Variants in CRYGS observed in about 807,000 individuals in gnomAD.
The protein encoded by CRYGS is crystallin gamma S.
Under a neutral mutation model 21.3 loss-of-function variants are expected in CRYGS, and 13 were observed. That is an observed-to-expected ratio of 0.61 (90% CI 0.40 to 0.97). The LOEUF (loss-of-function observed/expected upper bound fraction) is 0.97. Ranked by LOEUF, CRYGS falls within the 50% of genes least tolerant of loss-of-function variation. The pLI, the probability that CRYGS is intolerant of heterozygous loss-of-function variation, is 0.00. For synonymous variants in CRYGS, 67 were observed against 75.0 expected, an observed-to-expected ratio of 0.89 and a Z score of 0.55; for missense variants, 205 against 229.7, an observed-to-expected ratio of 0.89 and a Z score of 0.69.
At chr3:186,542,818 C>T (rs1714100234) in intron 1 of CRYGS, among the ~76,000 whole-genome samples, 1 of 152,162 alleles carries the variant, frequency 6.6e-6, no homozygotes, top group Admixed American at 6.5e-5. Flanking sequence ...AGCTTTACCT[C>T]AAGATACATG....
chr3:186,541,420 T>C (rs905870967), intron 1 of CRYGS, among the ~76,000 whole-genome samples: 2 of 152,114 alleles, frequency 1.3e-5, no homozygotes, highest in South Asian at 2.1e-4. Context: ...TCCCTTCCCA[T>C]CTTAGCACAG....
chr3:186,544,005 A>C (rs1714126871), intron 1 of CRYGS, among the ~76,000 whole-genome samples: 1 of 152,182 alleles, frequency 6.6e-6, no homozygotes, highest in Non-Finnish European at 1.5e-5. Flanking sequence ...CCTTATTCCT[A>C]TGGAGAATAT....
At position 186,539,484 on chromosome 3, in the gene CRYGS, G is replaced by A; in HGVS notation, c.135C>T (p.Gly45=). ...TGGGCCTTTCATAAACAGCCCAGGT[G>A]CCTCCTTCCACTTTAATGGAGTTGC... ...SRCNSIKVEG[G]TWAVYERPNF... The change falls in exon 2 of 3, where the codon GGC becomes GGT. Residue 45 remains glycine, a synonymous_variant. Transcript: ENST00000307944. 6.2e-7 allele frequency: 1 copy of A among 1,613,688 alleles called. No individual in the cohort carries two copies. Among genetic ancestry groups the A allele is most frequent in the Non-Finnish European group, 8.5e-7 (1 of 1,180,022 alleles).
rs781780372 is a variant in CRYGS, at chr3:186,538,613, A to G, written c.*83T>C. The G allele has an allele frequency of 7.0e-6, 11 of 1,572,516 alleles. No homozygotes were observed. The highest frequency in any genetic ancestry group is 1.3e-5 in the African/African-American group (1 of 74,200). On this transcript the variant is annotated 3_prime_UTR_variant, in exon 3 of 3. Transcript: ENST00000307944. ...ATAGTCAGCAGTGGGATGCATGCCAACTGTTTTATTGATGATGCCTATTTG... is the reference window on the plus strand; with the variant it reads ...ATAGTCAGCAGTGGGATGCATGCCAGCTGTTTTATTGATGATGCCTATTTG...
chr3:186,541,667 C>T (rs73055395), intron 1 of CRYGS, among the ~76,000 whole-genome samples: 1 of 152,138 alleles, frequency 6.6e-6, no homozygotes, highest in Non-Finnish European at 1.5e-5. Context: ...TAAGCTTTTG[C>T]TACAGTTTTT....
Position 186,541,889 on chromosome 3 carries a change from A to G in CRYGS, c.22-2292T>C, listed in dbSNP as rs551665739. The stretch of plus-strand genomic sequence containing the variant: ...ATGACCAAGGCTGGGCCTAAGCCTC[A>G]GGGGCTCTTCCTCATGACCTGTGGA... On this transcript the variant is annotated intron_variant, in intron 1 of 2. Transcript: ENST00000307944. Among the ~76,000 whole-genome samples the G allele has an allele frequency of 7.2e-4, 109 of 152,344 alleles. 1 individual carries two copies. Among genetic ancestry groups the G allele is most frequent in the Non-Finnish European group, 1.4e-3 (94 of 68,024 alleles).
chr3:186,543,647 G>A (rs893868651), intron 1 of CRYGS, among the ~76,000 whole-genome samples: 1 of 152,110 alleles, frequency 6.6e-6, no homozygotes, highest in Non-Finnish European at 1.5e-5. Context: ...TTTTCAAATA[G>A]CTGGGGGTAA....
rs1016083825 is a variant in CRYGS at position 186,538,895 on chromosome 3, T to G, written c.338A>C (p.Glu113Ala). The G allele has an allele frequency of 6.2e-7, 1 of 1,614,008 alleles. No individual in the cohort carries two copies. The highest frequency in any genetic ancestry group is 8.5e-7 in the Non-Finnish European group (1 of 1,180,006). Reference sequence around the variant, plus strand: ...TTGCTCCATGATGGAAGGGCAATCTTCGGTGGTTTCATACATCTGACCACT... The same window carrying G: ...TTGCTCCATGATGGAAGGGCAATCTGCGGTGGTTTCATACATCTGACCACT... ...DFSGQMYETT[E>A]DCPSIMEQFH... The change falls in exon 3 of 3, where the codon GAA becomes GCA. Residue 113 changes from glutamate (E) to alanine (A), a missense_variant. Physicochemically the swap from Glu to Ala is moderately radical, Grantham distance 107. Transcript: ENST00000307944.
intron 1 of CRYGS, 99 bp from the exon 2 acceptor site, chr3:186,539,696 A>T: frequency 2.7e-6 from 4 of 1,468,632 alleles, no homozygotes; most frequent in Non-Finnish European, 3.8e-6. Flanking sequence ...AATTCCTTTC[A>T]CCTCAATTTT....
At chr3:186,544,285 A>G (rs1714138062) in intron 1 of CRYGS, 21 bp downstream of exon 1, 13 of 1,585,330 alleles carry the variant, frequency 8.2e-6, no homozygotes, top group Non-Finnish European at 1.1e-5. Flanking sequence ...GGGTAGGCTA[A>G]AAATCAATAT....
Position 186,538,817 on chromosome 3 carries a change from A to G in CRYGS, c.416T>C (p.Phe139Ser), listed in dbSNP as rs985947593. ...SCKVLEGVWI[F>S]YELPNYRGRQ... ...GCCACGGTAGTTGGGTAGCTCATAG[A>G]AAATCCAGACACCCTCCAGCACCTT... Residue 139 changes from phenylalanine (F) to serine (S), a missense_variant, in exon 3 of 3, where the codon TTC (phenylalanine) becomes TCC (serine). Coordinates refer to ENST00000307944, the MANE Select transcript of CRYGS (RefSeq NM_017541.4). 1 of 1,614,144 alleles carries G rather than the reference A, an allele frequency of 6.2e-7. No individual in the cohort carries two copies. The highest frequency in any genetic ancestry group is 8.5e-7 in the Non-Finnish European group (1 of 1,180,016).
chr3:186,542,295 CCTT>C (rs1453653507), intron 1 of CRYGS, among the ~76,000 whole-genome samples: 2 of 152,186 alleles, frequency 1.3e-5, no homozygotes, highest in East Asian at 3.9e-4. Context: ...CAGTGGGAGA[CCTT>C]CTATATCTCA....
At position 186,539,107 on chromosome 3, in the gene CRYGS, T is replaced by C. The variant is rs919137738; in HGVS notation, c.265-139A>G. On this transcript the variant is annotated intron_variant, in intron 2 of 2. Coordinates refer to ENST00000307944, the MANE Select transcript of CRYGS (RefSeq NM_017541.4). ...AACTCCCATCTCACCATGTACTGAC[T>C]AAAACAGCTAACTTTCAATAAGAAA... is the stretch of plus-strand genomic sequence containing the variant. 41 of 1,133,388 alleles carry C rather than the reference T, an allele frequency of 3.6e-5. 1 individual carries two copies. Among genetic ancestry groups the C allele is most frequent in the Non-Finnish European group, 4.8e-5 (38 of 790,184 alleles). 70.2% of individuals were successfully genotyped at this position (1,133,388 alleles called of 1,614,324 possible). A position where few individuals can be genotyped will look rare whatever the true frequency, so the allele number is the denominator to read the frequency against.
intron 2 of CRYGS, 113 bp from the exon 3 acceptor site, chr3:186,539,081 G>C: frequency 7.7e-7 from 1 of 1,292,430 alleles, no homozygotes; most frequent in South Asian, 1.2e-5. Flanking sequence ...TAGATGATCT[G>C]AACTCCCATC....
In CRYGS at chr3:186,538,722, G is replaced by A; in HGVS notation, c.511C>T (p.Gln171Ter). The change falls in exon 3 of 3, where the codon CAG becomes TAG. Residue 171 changes from glutamine to a stop codon, truncating the protein, a stop_gained. Transcript: ENST00000307944. LOFTEE classifies it high-confidence loss of function. ...IDWGAASPAVQSFRRIVE is the reference protein window; with the variant it reads ...IDWGAASPAV ...TACTCCACAATGCGGCGGAAAGACTGGACAGCTGGGGAGGCTGCACCCCAA... is the reference window on the plus strand; with the variant it reads ...TACTCCACAATGCGGCGGAAAGACTAGACAGCTGGGGAGGCTGCACCCCAA... 6.2e-7 allele frequency: 1 copy of A among 1,614,182 alleles called. No individual in the cohort carries two copies. Among genetic ancestry groups the A allele is most frequent in the Non-Finnish European group, 8.5e-7 (1 of 1,180,036 alleles).
intron 1 of CRYGS, among the ~76,000 whole-genome samples, chr3:186,543,006 CAAGTT>C (rs1714104241): frequency 6.6e-6 from 1 of 152,036 alleles, no homozygotes; most frequent in Non-Finnish European, 1.5e-5. Context: ...AATTACAGAA[CAAGTT>C]AACAGGTACC....
In CRYGS at chr3:186,539,360, G is replaced by GAAC; in HGVS notation, c.256_258dup (p.Val86dup). On this transcript the variant is annotated inframe_insertion, in exon 2 of 3. Coordinates refer to ENST00000307944, the MANE Select transcript of CRYGS (RefSeq NM_017541.4). ...TACACAGTCCCCAGACTCACCAGAT[G>GAAC]AACAGCTCTGCAGGAGCTGAGGCGG... is the stretch of plus-strand genomic sequence containing the variant. 6.2e-7 allele frequency: 1 copy of GAAC among 1,612,176 alleles called. No homozygotes were observed. Among genetic ancestry groups the GAAC allele is most frequent in the Non-Finnish European group, 8.5e-7 (1 of 1,179,994 alleles).
At chr3:186,541,785 T>C (rs528043477) in intron 1 of CRYGS, among the ~76,000 whole-genome samples, 1 of 152,230 alleles carries the variant, frequency 6.6e-6, no homozygotes, top group Non-Finnish European at 1.5e-5. Flanking sequence ...TAAACTATTG[T>C]TCACTTTATT....
At chr3:186,540,317 G>GT (rs1714035514) in intron 1 of CRYGS, 1 of 152,502 alleles carries the variant, frequency 6.6e-6, no homozygotes, top group Non-Finnish European at 1.5e-5. Flanking sequence ...AGCAGAAACA[G>GT]TAAGTCTGGA....
Sources: gnomAD v4.1 joint callset for allele counts (sites outside exome capture counted in the v4.1 genomes callset) on GRCh38, gnomAD v4.1.1 for gene constraint, MANE v1.5 for transcripts, NCBI Gene and HGNC (gene_info 2026-07-23, HGNC 2026-07-21) for gene names.